The following ITPK1 variants were observed in gnomAD, a reference collection of about 807,000 sequenced individuals.
ITPK1 encodes the protein inositol 1,3,4-trisphosphate 5/6-kinase.
Under a neutral mutation model 45.3 loss-of-function variants are expected in ITPK1, and 21 were observed. The observed-to-expected ratio is 0.46, with a 90% confidence interval of 0.33 to 0.67. The LOEUF (loss-of-function observed/expected upper bound fraction) is 0.67. ITPK1 is among the 30% of genes least tolerant of loss of function. ITPK1 has a pLI of 0.02. For missense variants in ITPK1, 474 were observed against 573.5 expected (o/e 0.83, Z 1.77); for synonymous variants, 258 against 253.6 (o/e 1.02, Z -0.16).
chr14:93,018,712 A>G (rs980477637), intron 3 of ITPK1, among the ~76,000 whole-genome samples: 1 of 152,148 alleles, frequency 6.6e-6, no homozygotes. Context: ...ACACTTCCCA[A>G]TATCTCCTGA....
Position 93,036,099 on chromosome 14 carries a change from A to G in ITPK1, c.121-19298T>C, listed in dbSNP as rs1451498364. 2.0e-5 allele frequency among the ~76,000 whole-genome samples: 3 copies of G among 152,194 alleles called. No individual in the cohort carries two copies. The highest frequency in any genetic ancestry group is 2.4e-5 in the African/African-American group (1 of 41,460). On this transcript the variant is annotated intron_variant, in intron 3 of 10. Coordinates refer to ENST00000267615, the MANE Select transcript of ITPK1 (RefSeq NM_014216.6). This position sits in a 1 kb window ranked among gnomAD's most constrained non-coding sequence, Gnocchi z 4.1. Reference sequence around the variant, plus strand: ...CACCCTTTCCAAGAAAGGGCTACGAAAGCAATGGTGGCGTCAGTGAGACCT... The same window carrying G: ...CACCCTTTCCAAGAAAGGGCTACGAGAGCAATGGTGGCGTCAGTGAGACCT...
intron 9 of ITPK1, among the ~76,000 whole-genome samples, chr14:92,948,155 C>G (rs1035620803): frequency 6.6e-6 from 1 of 152,016 alleles, no homozygotes. Flanking sequence ...GCCACAGAGA[C>G]AGCAACGAGC....
At chr14:92,971,514 TGTC>T (rs1474099742) in intron 5 of ITPK1, among the ~76,000 whole-genome samples, 1 of 152,234 alleles carries the variant, frequency 6.6e-6, no homozygotes, top group Non-Finnish European at 1.5e-5. Context: ...GCCGTACTAT[TGTC>T]GTCATCACCT....
At chr14:93,089,182 C>T (rs148525739) in intron 2 of ITPK1, among the ~76,000 whole-genome samples, 15 of 152,294 alleles carry the variant, frequency 9.8e-5, no homozygotes, top group South Asian at 4.1e-4. Flanking sequence ...CCCCAGGGGC[C>T]CCAAGACCTG....
intron 4 of ITPK1, among the ~76,000 whole-genome samples, chr14:93,009,094 G>A (rs1197003808): frequency 6.6e-6 from 1 of 152,140 alleles, no homozygotes. Flanking sequence ...GGTGGGGAGT[G>A]CTGTTGGCAT....
chr14:92,986,148 A>T (rs1235146519), intron 5 of ITPK1, among the ~76,000 whole-genome samples: 3 of 152,178 alleles, frequency 2.0e-5, no homozygotes, highest in Non-Finnish European at 4.4e-5. Flanking sequence ...CTCATTGTTG[A>T]GGATGTGGAG....
intron 2 of ITPK1, among the ~76,000 whole-genome samples, chr14:93,113,209 C>G (rs182924050): frequency 6.6e-6 from 1 of 152,296 alleles, no homozygotes; most frequent in African/African-American, 2.4e-5. Flanking sequence ...GACAACAACT[C>G]TTTCAGAGAA....
chr14:93,073,260 C>T (rs1403693581), intron 3 of ITPK1, among the ~76,000 whole-genome samples: 3 of 152,340 alleles, frequency 2.0e-5, no homozygotes, highest in East Asian at 1.9e-4. Flanking sequence ...TGACCCCAGG[C>T]GGCCCTGCGC....
intron 5 of ITPK1, among the ~76,000 whole-genome samples, chr14:92,984,393 G>A (rs561753730): frequency 6.6e-6 from 1 of 152,328 alleles, no homozygotes; most frequent in African/African-American, 2.4e-5. Flanking sequence ...GCTAAATTCT[G>A]CAGAACTTCA....
At chr14:93,052,275 A>G (rs2139932269) in intron 3 of ITPK1, among the ~76,000 whole-genome samples, 1 of 152,300 alleles carries the variant, frequency 6.6e-6, no homozygotes, top group South Asian at 2.1e-4. Flanking sequence ...AGTGCTTTAT[A>G]AACCACTCCC....
intron 5 of ITPK1, among the ~76,000 whole-genome samples, chr14:92,968,985 T>A (rs777223247): frequency 6.6e-6 from 1 of 152,102 alleles, no homozygotes; most frequent in Non-Finnish European, 1.5e-5. Context: ...CTGTTTTGCA[T>A]CCCGAGCTGC....
chr14:92,942,663 CA>C (rs751412597), intron 10 of ITPK1, among the ~76,000 whole-genome samples: 7 of 152,218 alleles, frequency 4.6e-5, no homozygotes, highest in Non-Finnish European at 1.0e-4. Flanking sequence ...CTCCCCTTAA[CA>C]GAGGGGAACA....
At chr14:93,040,681 C>T (rs988557481) in intron 3 of ITPK1, among the ~76,000 whole-genome samples, 3 of 152,188 alleles carry the variant, frequency 2.0e-5, no homozygotes, top group Admixed American at 6.5e-5. Flanking sequence ...CCCCCCTCTC[C>T]CCCCCGCAGG....
At chr14:93,090,653 G>A (rs1024458940) in intron 2 of ITPK1, among the ~76,000 whole-genome samples, 1 of 152,162 alleles carries the variant, frequency 6.6e-6, no homozygotes, top group African/African-American at 2.4e-5. Context: ...GCGTTTTCTG[G>A]AACTAAATTC....
At chr14:93,027,707 A>G (rs1427173648) in intron 3 of ITPK1, among the ~76,000 whole-genome samples, 1 of 152,176 alleles carries the variant, frequency 6.6e-6, no homozygotes, top group African/African-American at 2.4e-5. Flanking sequence ...CTGAGTAAGC[A>G]AGACAGTCAT....
chr14:93,110,569 C>T (rs941154639), intron 2 of ITPK1, among the ~76,000 whole-genome samples: 3 of 152,150 alleles, frequency 2.0e-5, no homozygotes, highest in South Asian at 2.1e-4. Flanking sequence ...CTCACTGGCA[C>T]GCCTCCCAAG....
chr14:93,057,047 C>A (rs1317908473), intron 3 of ITPK1, among the ~76,000 whole-genome samples: 7 of 152,302 alleles, frequency 4.6e-5, no homozygotes, highest in African/African-American at 1.7e-4. Flanking sequence ...TTAGAAAGCG[C>A]CTGGCTCACC....
intron 4 of ITPK1, among the ~76,000 whole-genome samples, chr14:93,001,992 A>C (rs1887379295): frequency 6.6e-6 from 1 of 152,180 alleles, no homozygotes; most frequent in Non-Finnish European, 1.5e-5. Context: ...ACCTTGCAGG[A>C]ATGGACATGT....
chr14:93,064,982 G>A (rs990490135), intron 3 of ITPK1, among the ~76,000 whole-genome samples: 11 of 152,154 alleles, frequency 7.2e-5, no homozygotes, highest in Admixed American at 3.9e-4. Flanking sequence ...GAACTAGCAC[G>A]GGAGGGGGTC....
Sources: allele counts gnomAD v4.1 joint callset (sites outside exome capture counted in the v4.1 genomes callset), GRCh38; gene constraint gnomAD v4.1.1; non-coding constraint Gnocchi (gnomAD v3.1); transcripts MANE v1.5; gene names NCBI Gene and HGNC (gene_info 2026-07-23, HGNC 2026-07-21).